Variants in ASTN2 observed in about 807,000 individuals in gnomAD.
ASTN2 encodes astrotactin 2, also known as astrotactin-2.
ASTN2 carries 54 observed loss-of-function variants against 139.8 expected under a neutral mutation model. That is an observed-to-expected ratio of 0.39 (90% CI 0.31 to 0.48). The LOEUF is 0.48. Among genes scored for constraint, ASTN2 ranks in the 20% least tolerant of loss-of-function variants. ASTN2 has a pLI of 0.95. For synonymous variants in ASTN2, 756 were observed against 719.5 expected (o/e 1.05, Z -0.81); for missense variants, 1,565 against 1,725.1 (o/e 0.91, Z 1.64).
At chr9:116,763,772 G>A (rs149447809) in intron 13 of ASTN2, among the ~76,000 whole-genome samples, 1 of 152,300 alleles carries the variant, frequency 6.6e-6, no homozygotes, top group East Asian at 1.9e-4. Flanking sequence ...TGGAGAATTT[G>A]CATTCCAGCA....
At chr9:116,611,339 T>C (rs1855529616) in intron 19 of ASTN2, 1 of 152,128 alleles carries the variant, frequency 6.6e-6, no homozygotes, top group South Asian at 2.1e-4. Flanking sequence ...TAGCCTCAGC[T>C]ACCATTTCAA....
rs191035087 is a variant in ASTN2 at position 116,749,573 on chromosome 9, C to T, written c.2397-16050G>A. 1.8e-4 allele frequency among the ~76,000 whole-genome samples: 27 copies of T among 152,302 alleles called. No individual in the cohort carries two copies. The East Asian group carries it at 5.2e-3, about 29-fold the overall frequency. ...AAGTTGAATATCTCTCTTCCTATCA[C>T]AGCATGCACTGAAATTGCCATGGTG... On this transcript the variant is annotated intron_variant, in intron 13 of 22. Transcript: ENST00000313400.
At chr9:117,372,022 C>T (rs936485419) in intron 1 of ASTN2, among the ~76,000 whole-genome samples, 3 of 152,136 alleles carry the variant, frequency 2.0e-5, no homozygotes, top group African/African-American at 7.2e-5. Context: ...AAGTGGTAGA[C>T]TGGTCCTAAC....
intron 2 of ASTN2, among the ~76,000 whole-genome samples, chr9:117,233,395 G>A (rs536427356): frequency 6.6e-6 from 1 of 152,272 alleles, no homozygotes; most frequent in East Asian, 1.9e-4. Context: ...TCAGTCAAGT[G>A]GCAACAATCA....
At chr9:117,011,161 A>T (rs992907520) in intron 6 of ASTN2, among the ~76,000 whole-genome samples, 1 of 152,212 alleles carries the variant, frequency 6.6e-6, no homozygotes, top group African/African-American at 2.4e-5. Flanking sequence ...ATGCAATACC[A>T]GTAAACAGAT....
At chr9:117,398,895 C>G (rs1262951010) in intron 1 of ASTN2, among the ~76,000 whole-genome samples, 1 of 152,214 alleles carries the variant, frequency 6.6e-6, no homozygotes, top group Non-Finnish European at 1.5e-5. Context: ...AATTCTCCTA[C>G]CTCAGCCTCC....
chr9:116,801,180 A>G (rs118163698), intron 13 of ASTN2, among the ~76,000 whole-genome samples: 2,089 of 152,294 alleles, frequency 0.014, 10 homozygotes, highest in Middle Eastern at 0.034. Flanking sequence ...GGAGGAGAGA[A>G]ATGACAACTG....
chr9:116,940,187 G>A (rs990686656), intron 10 of ASTN2, among the ~76,000 whole-genome samples: 2 of 152,176 alleles, frequency 1.3e-5, no homozygotes, highest in African/African-American at 4.8e-5. Flanking sequence ...CCTCAAGTGA[G>A]CCTCTCGCTT....
In ASTN2 at chr9:116,874,123, GCTGGGTTCCACC is replaced by G. The variant is rs892321483; in HGVS notation, c.1890-10402_1890-10391del. On this transcript the variant is annotated intron_variant, in intron 10 of 22. Transcript: ENST00000313400. ...ACTGGCAGTGAGTCCTAGTGACAGAGCTGGGTTCCACCCTGGGTGTATCTGACTTCGGACTCT... is the reference window on the plus strand; with the variant it reads ...ACTGGCAGTGAGTCCTAGTGACAGAGCTGGGTGTATCTGACTTCGGACTCT... Among the ~76,000 whole-genome samples the G allele has an allele frequency of 4.6e-5, 7 of 152,324 alleles. No individual in the cohort carries two copies. The East Asian group carries it at 1.3e-3, about 29-fold the overall frequency.
intron 3 of ASTN2, among the ~76,000 whole-genome samples, chr9:117,206,427 G>C (rs1831926404): frequency 6.6e-6 from 1 of 152,154 alleles, no homozygotes. Flanking sequence ...GAGCCACCAA[G>C]AATTTATACA....
At chr9:117,272,231 C>T (rs1013958984) in intron 2 of ASTN2, among the ~76,000 whole-genome samples, 1 of 152,248 alleles carries the variant, frequency 6.6e-6, no homozygotes. Context: ...GGCTTCAACC[C>T]TCTAAAGCCA....
At chr9:116,549,185 A>C (rs1852230929) in intron 19 of ASTN2, among the ~76,000 whole-genome samples, 1 of 151,930 alleles carries the variant, frequency 6.6e-6, no homozygotes. Context: ...CAGTAATAAA[A>C]AGATCAGAGG....
intron 16 of ASTN2, among the ~76,000 whole-genome samples, chr9:116,680,486 T>C (rs1859783673): frequency 6.6e-6 from 1 of 152,056 alleles, no homozygotes; most frequent in East Asian, 1.9e-4. Flanking sequence ...ACTATTCCAA[T>C]CAACAGAAAA....
At chr9:116,933,654 A>T (rs192232891) in intron 10 of ASTN2, among the ~76,000 whole-genome samples, 4,597 of 151,216 alleles carry the variant, frequency 0.03, 254 homozygotes, top group African/African-American at 0.11. Flanking sequence ...TTTATTAAGG[A>T]AAAAAAAAAG....
At chr9:117,210,792 T>C (rs1045256597) in intron 3 of ASTN2, among the ~76,000 whole-genome samples, 2 of 151,972 alleles carry the variant, frequency 1.3e-5, no homozygotes, top group Non-Finnish European at 2.9e-5. Flanking sequence ...GATGAAAATA[T>C]ATGCAAAAAT....
chr9:116,855,781 C>T (rs991239450), intron 11 of ASTN2, among the ~76,000 whole-genome samples: 7 of 152,128 alleles, frequency 4.6e-5, no homozygotes, highest in African/African-American at 1.7e-4. Context: ...GACTCTATTT[C>T]CTCATGGATA....
At chr9:117,345,681 C>T (rs556936163) in intron 1 of ASTN2, among the ~76,000 whole-genome samples, 3 of 152,170 alleles carry the variant, frequency 2.0e-5, no homozygotes, top group South Asian at 4.2e-4. Flanking sequence ...GATGCAATGA[C>T]GAGAAATAAC....
Position 116,697,564 on chromosome 9 carries a change from G to A in ASTN2, c.2806+28207C>T, listed in dbSNP as rs73515229. The A allele has an allele frequency of 0.012, 9,131 of 762,702 alleles. 613 individuals are homozygous for A. The African/African-American group carries it at 0.14, about 12-fold the overall frequency. 47.2% of individuals were successfully genotyped at this position (762,702 alleles called of 1,614,324 possible). A position where few individuals can be genotyped will look rare whatever the true frequency, so the allele number is the denominator to read the frequency against. On this transcript the variant is annotated intron_variant, in intron 16 of 22. Transcript: ENST00000313400. ...TAAAATAGTTGTTAAGTAAGGGAAT[G>A]ACTGAATGACTGGTCATAGCTATTC...
At chr9:116,969,667 C>A (rs1393183341) in intron 10 of ASTN2, among the ~76,000 whole-genome samples, 1 of 152,136 alleles carries the variant, frequency 6.6e-6, no homozygotes, top group Non-Finnish European at 1.5e-5. Context: ...CATTGGCACT[C>A]TGGAGTTTTC....
Sources: allele counts gnomAD v4.1 joint callset (sites outside exome capture counted in the v4.1 genomes callset), GRCh38; gene constraint gnomAD v4.1.1; transcripts MANE v1.5; gene names NCBI Gene and HGNC (gene_info 2026-07-23, HGNC 2026-07-21).